The following COL25A1 variants were observed in gnomAD, a reference collection of about 807,000 sequenced individuals.
The protein encoded by COL25A1 is collagen alpha-1(XXV) chain.
In COL25A1, 103 loss-of-function variants were observed where a neutral mutation model predicts 128.4. The ratio of observed to expected loss-of-function variants is 0.80; its 90% CI spans 0.68 to 0.94. The LOEUF is 0.94. COL25A1 is among the 40% of genes least tolerant of loss of function. The pLI is 0.00. For synonymous variants in COL25A1, 279 were observed against 277.2 expected (o/e 1.01, Z -0.06); for missense variants, 745 against 840.0 (o/e 0.89, Z 1.40).
At chr4:109,106,024 G>C (rs1318946681) in intron 3 of COL25A1, among the ~76,000 whole-genome samples, 1 of 152,160 alleles carries the variant, frequency 6.6e-6, no homozygotes, top group Non-Finnish European at 1.5e-5. Flanking sequence ...ATTACATTTA[G>C]TGAATGAACT....
rs542412997 is a variant in COL25A1 at position 109,016,881 on chromosome 4, G to A, written c.421-6506C>T. 2.6e-5 allele frequency among the ~76,000 whole-genome samples: 4 copies of A among 152,342 alleles called. No homozygotes were observed. In the East Asian group the frequency reaches 5.8e-4, roughly 22 times the overall value. On this transcript the variant is annotated intron_variant, in intron 5 of 37. Transcript: ENST00000399132. ...GTTGTCCATGTACCTCATTCTTCCT[G>A]AATGTGGGACAAGAACTTGAGACCC...
At chr4:109,290,165 G>A (rs1391111758) in intron 3 of COL25A1, among the ~76,000 whole-genome samples, 2 of 152,060 alleles carry the variant, frequency 1.3e-5, no homozygotes, top group African/African-American at 4.8e-5. Flanking sequence ...AACACATTCT[G>A]ACTCTAATGT....
At chr4:108,927,173 T>C (rs1374802252) in intron 11 of COL25A1, among the ~76,000 whole-genome samples, 1 of 152,200 alleles carries the variant, frequency 6.6e-6, no homozygotes, top group Non-Finnish European at 1.5e-5. Flanking sequence ...CCAGTGGTCA[T>C]AACTCACTTC....
At chr4:109,043,135 T>C (rs939371478) in intron 5 of COL25A1, among the ~76,000 whole-genome samples, 1 of 151,954 alleles carries the variant, frequency 6.6e-6, no homozygotes, top group Non-Finnish European at 1.5e-5. Flanking sequence ...GTAAAATAGG[T>C]ATAGTAACTC....
At chr4:108,816,617 C>T (rs964011435) in intron 37 of COL25A1, among the ~76,000 whole-genome samples, 1 of 152,116 alleles carries the variant, frequency 6.6e-6, no homozygotes, top group Non-Finnish European at 1.5e-5. Context: ...TTTACTGTTG[C>T]TTTCCATTGT....
intron 11 of COL25A1, among the ~76,000 whole-genome samples, chr4:108,932,760 C>A (rs534982816): frequency 6.6e-6 from 1 of 151,982 alleles, no homozygotes; most frequent in Non-Finnish European, 1.5e-5. Flanking sequence ...GCAAGAACAT[C>A]GAAAGGAAAG....
chr4:109,038,831 C>T (rs533249934), intron 5 of COL25A1, among the ~76,000 whole-genome samples: 1 of 152,274 alleles, frequency 6.6e-6, no homozygotes, highest in African/African-American at 2.4e-5. Context: ...GAGATTCATC[C>T]TTCCCTTCTT....
chr4:108,831,514 A>C (rs1235738011), intron 32 of COL25A1, among the ~76,000 whole-genome samples: 1 of 152,226 alleles, frequency 6.6e-6, no homozygotes, highest in Non-Finnish European at 1.5e-5. Context: ...AAACTTGCAC[A>C]GTGAATCATT....
At chr4:108,835,902 C>T (rs1343785909) in intron 31 of COL25A1, among the ~76,000 whole-genome samples, 2 of 84,122 alleles carry the variant, frequency 2.4e-5, no homozygotes, top group Admixed American at 3.7e-4. Context: ...GACGGACTCT[C>T]GCTCTGTTGC....
intron 3 of COL25A1, among the ~76,000 whole-genome samples, chr4:109,223,231 C>T (rs1183454688): frequency 1.3e-5 from 2 of 152,218 alleles, no homozygotes; most frequent in Non-Finnish European, 1.5e-5. Flanking sequence ...CAAACTATTT[C>T]AGCCTATTAA....
intron 3 of COL25A1, among the ~76,000 whole-genome samples, chr4:109,141,521 C>T (rs1578269523): frequency 6.6e-6 from 1 of 152,192 alleles, no homozygotes; most frequent in East Asian, 1.9e-4. Flanking sequence ...ACCAGCTCCT[C>T]TTTGTACCTC....
At chr4:109,047,868 G>A (rs1416447904) in intron 5 of COL25A1, among the ~76,000 whole-genome samples, 1 of 151,532 alleles carries the variant, frequency 6.6e-6, no homozygotes, top group Non-Finnish European at 1.5e-5. Context: ...GAGTAGCTGG[G>A]ACTACAGGCG....
At chr4:109,132,944 T>C (rs1399043347) in intron 3 of COL25A1, among the ~76,000 whole-genome samples, 6 of 152,130 alleles carry the variant, frequency 3.9e-5, no homozygotes, top group Non-Finnish European at 8.8e-5. Flanking sequence ...GTATTAGACT[T>C]ATGTATTCAT....
chr4:109,059,223 T>C (rs1560613098), intron 3 of COL25A1, among the ~76,000 whole-genome samples: 1 of 152,222 alleles, frequency 6.6e-6, no homozygotes, highest in Non-Finnish European at 1.5e-5. Flanking sequence ...TTTTTCCTAG[T>C]TGTGTGATCT....
intron 19 of COL25A1, among the ~76,000 whole-genome samples, chr4:108,873,721 C>T (rs1739087073): frequency 6.6e-6 from 1 of 152,118 alleles, no homozygotes; most frequent in Non-Finnish European, 1.5e-5. Context: ...TAAATTTTCT[C>T]AGTTGAATAT....
intron 3 of COL25A1, among the ~76,000 whole-genome samples, chr4:109,147,034 A>G (rs1016644404): frequency 6.6e-6 from 1 of 152,326 alleles, no homozygotes; most frequent in Admixed American, 6.5e-5. Context: ...AGGGAGGATC[A>G]AAGTATTCTC....
At chr4:109,053,266 T>G (rs1761148948) in intron 3 of COL25A1, among the ~76,000 whole-genome samples, 2 of 152,178 alleles carry the variant, frequency 1.3e-5, no homozygotes, top group African/African-American at 4.8e-5. Flanking sequence ...CAGCCTGAGA[T>G]AGAATTAGTA....
chr4:109,000,488 G>A (rs1317305729), intron 6 of COL25A1, among the ~76,000 whole-genome samples: 3 of 152,168 alleles, frequency 2.0e-5, no homozygotes, highest in African/African-American at 7.2e-5. Flanking sequence ...GCTCATGCCT[G>A]TAATCCCAGC....
chr4:109,184,329 A>G (rs1229005619), intron 3 of COL25A1, among the ~76,000 whole-genome samples: 1 of 152,134 alleles, frequency 6.6e-6, no homozygotes, highest in African/African-American at 2.4e-5. Context: ...ATGCATTAAC[A>G]CTCCATTAAT....
Sources: gnomAD v4.1 joint callset for allele counts (sites outside exome capture counted in the v4.1 genomes callset) on GRCh38, gnomAD v4.1.1 for gene constraint, MANE v1.5 for transcripts, NCBI Gene and HGNC (gene_info 2026-07-23, HGNC 2026-07-21) for gene names.